DST: variants seen among roughly 807,000 people sequenced by gnomAD.
The protein encoded by DST is bullous pemphigoid antigen.
DST carries 253 observed loss-of-function variants against 875.2 expected under a neutral mutation model. The ratio of observed to expected loss-of-function variants is 0.29; its 90% confidence interval spans 0.26 to 0.32. The LOEUF is 0.32. DST is among the 10% of genes least tolerant of loss of function. The pLI, the probability that DST is intolerant of heterozygous loss-of-function variation, is 1.00. For missense variants in DST, 8,287 were observed against 9,111.6 expected, an observed-to-expected ratio of 0.91 and a Z score of 3.68; for synonymous variants, 3,124 against 3,197.1, an observed-to-expected ratio of 0.98 and a Z score of 0.77.
At chr6:56,767,848 A>T (rs1040976138) in intron 4 of DST, among the ~76,000 whole-genome samples, 1 of 152,126 alleles carries the variant, frequency 6.6e-6, no homozygotes, top group Non-Finnish European at 1.5e-5. Flanking sequence ...GGAGTTAGCC[A>T]TACAGATATC....
At chr6:56,751,056 C>G (rs1322181443) in intron 4 of DST, among the ~76,000 whole-genome samples, 2 of 152,056 alleles carry the variant, frequency 1.3e-5, no homozygotes, top group Admixed American at 1.3e-4. Context: ...GCTCTTAACC[C>G]CCAATGCTTC....
intron 55 of DST, among the ~76,000 whole-genome samples, chr6:56,564,336 C>T (rs758975511): frequency 8.5e-5 from 13 of 152,106 alleles, no homozygotes; most frequent in Admixed American, 1.3e-4. Flanking sequence ...CTCTTTGTAG[C>T]GATTGTGAAT....
At chr6:56,478,478 C>T (rs1407360180) in intron 90 of DST, among the ~76,000 whole-genome samples, 1 of 152,212 alleles carries the variant, frequency 6.6e-6, no homozygotes, top group Non-Finnish European at 1.5e-5. Flanking sequence ...AAAGCCTTGA[C>T]ATCCTCAAGG....
intron 36 of DST, chr6:56,614,874 A>C (rs2098597219): frequency 1.0e-6 from 1 of 993,434 alleles, no homozygotes; most frequent in Admixed American, 5.8e-5. Context: ...GAGAACGTCT[A>C]CTGTACATGT....
At chr6:56,561,750 A>T (rs559520160) in intron 56 of DST, among the ~76,000 whole-genome samples, 49 of 152,326 alleles carry the variant, frequency 3.2e-4, no homozygotes, top group Non-Finnish European at 7.3e-5. Flanking sequence ...ATTCAAGAAA[A>T]TTGCATAACA....
At chr6:56,612,828 A>G (rs538185976) in intron 37 of DST, among the ~76,000 whole-genome samples, 1 of 152,330 alleles carries the variant, frequency 6.6e-6, no homozygotes, top group South Asian at 2.1e-4. Flanking sequence ...CTGACTTAGT[A>G]ATGTTTTAGA....
At chr6:56,710,215 AAG>A (rs1432358006) in intron 5 of DST, among the ~76,000 whole-genome samples, 4 of 152,198 alleles carry the variant, frequency 2.6e-5, no homozygotes, top group African/African-American at 9.7e-5. Context: ...AGGAAACTGG[AAG>A]AGTCATTCCA....
chr6:56,883,485 C>T (rs889422251), intron 3 of DST, among the ~76,000 whole-genome samples: 1 of 152,078 alleles, frequency 6.6e-6, no homozygotes, highest in Non-Finnish European at 1.5e-5. Context: ...GAACAATTTC[C>T]CACCTTCTGC....
intron 55 of DST, among the ~76,000 whole-genome samples, chr6:56,565,840 G>T (rs2097667178): frequency 6.6e-6 from 1 of 152,188 alleles, no homozygotes; most frequent in South Asian, 2.1e-4. Flanking sequence ...GGAGATGGGG[G>T]TTTTATCTAT....
rs61164880 is a variant in DST, at chr6:56,486,362, CAAAAAA to C, written c.21047+736_21047+741del. 7.3e-4 allele frequency among the ~76,000 whole-genome samples: 25 copies of C among 34,016 alleles called. No individual in the cohort carries two copies. The East Asian group carries it at 0.022, about 30-fold the overall frequency. The allele number at this position is 34,016 out of a possible 152,430, so 22.3% of individuals were successfully genotyped here. On this transcript the variant is annotated intron_variant, in intron 87 of 103. Transcript: ENST00000680361. ...TGGGTGACAGAGCGAGACTCCGTCT[CAAAAAA>C]AAAAAAAAAAAAAAAAAAAGGATTT...
intron 9 of DST, among the ~76,000 whole-genome samples, chr6:56,679,850 A>C (rs2099148860): frequency 6.6e-6 from 1 of 152,122 alleles, no homozygotes; most frequent in Admixed American, 6.6e-5. Context: ...TTAGCAAACA[A>C]ATTTCCTCTC....
chr6:56,671,865 G>A lies in DST; in HGVS notation c.1048-1058C>T, dbSNP rs183556672. On this transcript the variant is annotated intron_variant, in intron 9 of 103. Transcript: ENST00000680361. ...AAATATCACTTGACCAGAGTCATGA[G>A]ACAGGCTTCTAGACCTGGTTCCTAG... Among the ~76,000 whole-genome samples, 38 of 152,306 alleles carry A rather than the reference G, an allele frequency of 2.5e-4. No individual in the cohort carries two copies. The East Asian group carries it at 6.7e-3, about 27-fold the overall frequency.
At position 56,594,169 on chromosome 6, in the gene DST, G is replaced by C. The variant is rs1400251833; in HGVS notation, c.12220C>G (p.Gln4074Glu). Reference sequence around the variant, plus strand: ...GTGGCTATGATCACTGCTTGGTGCTGAGAGATGATCTTCTCGTGTTGGGCC... The same window carrying C: ...GTGGCTATGATCACTGCTTGGTGCTCAGAGATGATCTTCTCGTGTTGGGCC... The part of the protein sequence containing the change: ...VKAQHEKIIS[Q>E]HQAVIIATQS... Residue 4074 changes from glutamine to glutamate, a missense_variant, in exon 48 of 104, where the codon CAG becomes GAG. Transcript: ENST00000680361. 1 of 1,539,842 alleles carries C rather than the reference G, an allele frequency of 6.5e-7. No homozygotes were observed. The highest frequency in any genetic ancestry group is 8.7e-7 in the Non-Finnish European group (1 of 1,149,018).
At position 56,555,897 on chromosome 6, in the gene DST, C is replaced by T. The variant is rs541893019; in HGVS notation, c.14641-57G>A. ...ATTATATAATTGATTGTAGAAAACA[C>T]AGATTTGGTGTCCAAACAGACAGAA... On this transcript the variant is annotated intron_variant, in intron 59 of 103. Transcript: ENST00000680361. The T allele has an allele frequency of 3.6e-5, 50 of 1,392,926 alleles. No individual in the cohort carries two copies. The East Asian group carries it at 1.1e-3, about 30-fold the overall frequency. 86.3% of individuals were successfully genotyped at this position (1,392,926 alleles called of 1,614,324 possible).
chr6:56,587,175 C>A (rs576201772), intron 49 of DST, among the ~76,000 whole-genome samples: 6 of 151,422 alleles, frequency 4.0e-5, no homozygotes, highest in Admixed American at 1.3e-4. Flanking sequence ...AAAATTTAGA[C>A]GAATGTATAA....
intron 34 of DST, among the ~76,000 whole-genome samples, chr6:56,626,987 G>A (rs7742072): frequency 1.3e-5 from 2 of 152,150 alleles, no homozygotes; most frequent in Non-Finnish European, 2.9e-5. Context: ...TGGTGGCTGG[G>A]AGTGGCAGGG....
At chr6:56,676,533 T>C (rs966482695) in intron 9 of DST, among the ~76,000 whole-genome samples, 1 of 152,184 alleles carries the variant, frequency 6.6e-6, no homozygotes, top group Admixed American at 6.5e-5. Flanking sequence ...ATTACTTGGA[T>C]ATATATCCAA....
At chr6:56,696,023 A>G (rs923018468) in intron 9 of DST, among the ~76,000 whole-genome samples, 6 of 152,234 alleles carry the variant, frequency 3.9e-5, no homozygotes, top group African/African-American at 1.4e-4. Flanking sequence ...CCATTTAACC[A>G]AAACATAGAT....
chr6:56,509,627 T>C lies in DST; in HGVS notation c.19012+15A>G, dbSNP rs754095747. 7 of 1,595,982 alleles carry C rather than the reference T, an allele frequency of 4.4e-6. No individual in the cohort carries two copies. The highest frequency in any genetic ancestry group is 6.0e-6 in the Non-Finnish European group (7 of 1,165,720). On this transcript the variant is annotated intron_variant, in intron 74 of 103. Transcript: ENST00000680361. ...GAATGCTTTAAAATTTGTTTCCCTA[T>C]TCCAAAAGTATTACCTTTGGCAGAT... is the stretch of plus-strand genomic sequence containing the variant.
Sources: allele counts gnomAD v4.1 joint callset (sites outside exome capture counted in the v4.1 genomes callset), GRCh38; gene constraint gnomAD v4.1.1; transcripts MANE v1.5; gene names NCBI Gene and HGNC (gene_info 2026-07-23, HGNC 2026-07-21).